The following TBC1D16 variants were observed in gnomAD, a reference collection of about 807,000 sequenced individuals.
The protein encoded by TBC1D16 is TBC1 domain family member 16.
Under a neutral mutation model 74.7 loss-of-function variants are expected in TBC1D16, and 58 were observed. The observed-to-expected ratio is 0.78, with a 90% CI of 0.63 to 0.97. The LOEUF is 0.97. Ranked by LOEUF, TBC1D16 falls within the 50% of genes least tolerant of loss-of-function variation. The pLI is 0.00. For synonymous variants in TBC1D16, 493 were observed against 474.7 expected (o/e 1.04, Z -0.50); for missense variants, 1,014 against 1,079.5 (o/e 0.94, Z 0.85).
At chr17:79,951,286 C>G (rs1344118287) in intron 5 of TBC1D16, among the ~76,000 whole-genome samples, 164 bp downstream of exon 5, 1 of 152,194 alleles carries the variant, frequency 6.6e-6, no homozygotes, top group East Asian at 1.9e-4. Context: ...GCAAAGGTTT[C>G]AAACCCAAAG....
Position 80,025,152 on chromosome 17 carries a change from A to ACACGAACACG in TBC1D16, c.-63+10642_-63+10643insCGTGTTCGTG, listed in dbSNP as rs2036528912. Among the ~76,000 whole-genome samples the ACACGAACACG allele has an allele frequency of 1.1e-3, 160 of 141,674 alleles. 4 individuals carry two copies. The highest frequency in any genetic ancestry group is 4.4e-3 in the African/African-American group (154 of 35,072). The allele number at this position is 141,674 out of a possible 152,430, so 92.9% of individuals were successfully genotyped here. A position where few individuals can be genotyped will look rare whatever the true frequency, so the allele number is the denominator to read the frequency against. On this transcript the variant is annotated intron_variant, in intron 1 of 11. Transcript: ENST00000310924. ...ACACACCATAGGCACACACAAACAC[A>ACACGAACACG]CCAGGACACACACACCATAGACACA...
chr17:80,024,141 C>A, intron 1 of TBC1D16: 1 of 150,454 alleles, frequency 6.6e-6, no homozygotes. Context: ...CCCGGCCCTA[C>A]CCGCAGCCCC....
intron 2 of TBC1D16, among the ~76,000 whole-genome samples, chr17:80,011,834 A>C (rs1386761622): frequency 6.6e-6 from 1 of 152,176 alleles, no homozygotes; most frequent in African/African-American, 2.4e-5. Flanking sequence ...TCAAAAAAAA[A>C]AAAAAAATTC....
At chr17:79,942,664 C>T (rs1024032999) in intron 10 of TBC1D16, among the ~76,000 whole-genome samples, 7 of 152,170 alleles carry the variant, frequency 4.6e-5, no homozygotes, top group African/African-American at 1.4e-4. Context: ...TCATGGAATG[C>T]GCCTCTGGCA....
Position 79,944,230 on chromosome 17 carries a change from T to C in TBC1D16, c.1908+678A>G. The C allele has an allele frequency of 3.0e-6, 4 of 1,324,638 alleles. No individual in the cohort carries two copies. In the South Asian group the frequency reaches 5.1e-5, roughly 17 times the overall value. The allele number at this position is 1,324,638 out of a possible 1,614,324, so 82.1% of individuals were successfully genotyped here. A position where few individuals can be genotyped will look rare whatever the true frequency, so the allele number is the denominator to read the frequency against. ...AGCTGCCGTGGTGGATAGAGCCAGC[T>C]CCTGCAAAAGGGTCCAGCCCTCCTG... On this transcript the variant is annotated intron_variant, in intron 10 of 11. Transcript: ENST00000310924. The surrounding 1 kb of genome is among the most constrained non-coding windows in gnomAD (Gnocchi z 7.7).
chr17:80,023,680 G>A (rs1265592915), intron 1 of TBC1D16, among the ~76,000 whole-genome samples: 1 of 148,832 alleles, frequency 6.7e-6, no homozygotes. Flanking sequence ...GGCTCAGGGC[G>A]TGGCTGGGGT....
Position 79,936,243 on chromosome 17 carries a change from G to C in TBC1D16, c.*4616C>G, listed in dbSNP as rs2031578083. On this transcript the variant is annotated 3_prime_UTR_variant, in exon 12 of 12. Transcript: ENST00000310924. Reference sequence around the variant, plus strand: ...CATTTTACAGAAGAGTCACAGAGAGGCTCGCCCTCGGCGGAGGACACACAG... The same window carrying C: ...CATTTTACAGAAGAGTCACAGAGAGCCTCGCCCTCGGCGGAGGACACACAG... The C allele has an allele frequency of 6.6e-6, 1 of 152,260 alleles. No homozygotes were observed. The highest frequency in any genetic ancestry group is 2.4e-5 in the African/African-American group (1 of 41,460). 9.4% of individuals were successfully genotyped at this position (152,260 alleles called of 1,614,324 possible).
At position 79,941,874 on chromosome 17, in the gene TBC1D16, CG is replaced by C. The variant is rs1568565352; in HGVS notation, c.2055+185del. Among the ~76,000 whole-genome samples the C allele has an allele frequency of 1.1e-3, 164 of 150,716 alleles. No homozygotes were observed. Among genetic ancestry groups the C allele is most frequent in the African/African-American group, 3.8e-3 (155 of 40,564 alleles). ...GCCAGGCCGAGACAGGTGCTGACCACGAGGCCTTAGTGGGGAGCCCCCAGTG... is the reference window on the plus strand; with the variant it reads ...GCCAGGCCGAGACAGGTGCTGACCACAGGCCTTAGTGGGGAGCCCCCAGTG... On this transcript the variant is annotated intron_variant, in intron 11 of 11. Transcript: ENST00000310924. This position sits in a 1 kb window ranked among gnomAD's most constrained non-coding sequence, Gnocchi z 4.3.
chr17:80,013,350 C>T lies in TBC1D16; in HGVS notation c.181+17G>A, dbSNP rs372826624. 141 of 1,588,094 alleles carry T rather than the reference C, an allele frequency of 8.9e-5. No homozygotes were observed. In the South Asian group the frequency reaches 1.3e-3, roughly 14 times the overall value. ...CCTGGGCTGTGCGACCCTGGAGCCT[C>T]GCCTGCCCTGGCTCACCTGGGTGGT... On this transcript the variant is annotated intron_variant, in intron 2 of 11. Transcript: ENST00000310924.
rs952678705 is a variant in TBC1D16, at chr17:80,035,584, G to A, written c.-63+211C>T. ...CCCCAGGTGCCCCTCCGTGATCCAGGTCCTCCCACAACGCTCCCGCTCCTG... is the reference window on the plus strand; with the variant it reads ...CCCCAGGTGCCCCTCCGTGATCCAGATCCTCCCACAACGCTCCCGCTCCTG... On this transcript the variant is annotated intron_variant, in intron 1 of 11. Transcript: ENST00000310924. This position sits in a 1 kb window ranked among gnomAD's most constrained non-coding sequence, Gnocchi z 5.3. 2.2e-4 allele frequency among the ~76,000 whole-genome samples: 34 copies of A among 151,796 alleles called. No individual in the cohort carries two copies. The highest frequency in any genetic ancestry group is 8.2e-4 in the African/African-American group (34 of 41,406).
intron 3 of TBC1D16, among the ~76,000 whole-genome samples, chr17:79,968,321 C>T (rs1344613217): frequency 6.6e-6 from 1 of 152,218 alleles, no homozygotes; most frequent in Non-Finnish European, 1.5e-5. Flanking sequence ...AAAGAATAGT[C>T]TTTTCAGCAA....
chr17:79,988,112 G>C lies in TBC1D16; in HGVS notation c.779+22048C>G, dbSNP rs1428419603. On this transcript the variant is annotated intron_variant, in intron 3 of 11. Transcript: ENST00000310924. This position sits in a 1 kb window ranked among gnomAD's most constrained non-coding sequence, Gnocchi z 5.7. Reference sequence around the variant, plus strand: ...TTCTTCTCTGTGAAAGCGTGTGTGTGTTTAGAAGGGAGAGGGGGATGATAG... The same window carrying C: ...TTCTTCTCTGTGAAAGCGTGTGTGTCTTTAGAAGGGAGAGGGGGATGATAG... Among the ~76,000 whole-genome samples, 1 of 152,184 alleles carries C rather than the reference G, an allele frequency of 6.6e-6. No homozygotes were observed. Among genetic ancestry groups the C allele is most frequent in the Non-Finnish European group, 1.5e-5 (1 of 68,034 alleles).
In TBC1D16 at chr17:80,035,345, G is replaced by A. The variant is rs1366793181; in HGVS notation, c.-63+450C>T. Among the ~76,000 whole-genome samples the A allele has an allele frequency of 6.6e-6, 1 of 152,016 alleles. No individual in the cohort carries two copies. The highest frequency in any genetic ancestry group is 1.5e-5 in the Non-Finnish European group (1 of 67,988). Reference sequence around the variant, plus strand: ...CCAGACCACCAAGCCCGACAGGCCGGGAAAGCTGAGCGCGCGCTGCTGGGG... The same window carrying A: ...CCAGACCACCAAGCCCGACAGGCCGAGAAAGCTGAGCGCGCGCTGCTGGGG... On this transcript the variant is annotated intron_variant, in intron 1 of 11. Transcript: ENST00000310924. The surrounding 1 kb of genome is among the most constrained non-coding windows in gnomAD (Gnocchi z 5.3).
At chr17:79,977,476 G>C (rs1357972268) in intron 3 of TBC1D16, among the ~76,000 whole-genome samples, 1 of 152,256 alleles carries the variant, frequency 6.6e-6, no homozygotes, top group Non-Finnish European at 1.5e-5. Context: ...CCCCAGGCAA[G>C]GGTGATGTCT....
intron 7 of TBC1D16, 67 bp downstream of exon 7, chr17:79,949,650 T>A (rs988003817): frequency 6.4e-7 from 1 of 1,556,028 alleles, no homozygotes; most frequent in African/African-American, 1.4e-5. Context: ...GCACCTCAAA[T>A]TGCCTTTTCA....
At chr17:79,955,234 C>T (rs4889938) in intron 3 of TBC1D16, among the ~76,000 whole-genome samples, 20,386 of 152,080 alleles carry the variant, frequency 0.13, 1,411 homozygotes, top group East Asian at 0.18. Context: ...GTGATGGAGA[C>T]CTCAGTTCGC....
At chr17:80,015,951 C>T (rs1479539613) in intron 1 of TBC1D16, among the ~76,000 whole-genome samples, 1 of 140,324 alleles carries the variant, frequency 7.1e-6, no homozygotes, top group African/African-American at 2.7e-5. Flanking sequence ...GTGGAGGTTT[C>T]AGTGAGCCGA....
chr17:79,946,797 G>A (rs1331097987), intron 9 of TBC1D16, among the ~76,000 whole-genome samples: 5 of 152,198 alleles, frequency 3.3e-5, no homozygotes, highest in East Asian at 3.9e-4. Context: ...CAGCCTTAGC[G>A]ACACTCAGGG....
intron 3 of TBC1D16, among the ~76,000 whole-genome samples, chr17:79,962,832 T>G (rs1288978951): frequency 6.6e-6 from 1 of 151,566 alleles, no homozygotes; most frequent in East Asian, 2.0e-4. Context: ...GAGGCCGAGG[T>G]GGGCGGATCA....
Sources: allele counts gnomAD v4.1 joint callset (sites outside exome capture counted in the v4.1 genomes callset), GRCh38; gene constraint gnomAD v4.1.1; non-coding constraint Gnocchi (gnomAD v3.1); transcripts MANE v1.5; gene names NCBI Gene and HGNC (gene_info 2026-07-23, HGNC 2026-07-21).